The following RTTN variants were observed in gnomAD, a reference collection of about 807,000 sequenced individuals.
RTTN encodes rotatin.
RTTN carries 182 observed loss-of-function variants against 269.2 expected under a neutral mutation model. The observed-to-expected ratio is 0.68, with a 90% confidence interval of 0.60 to 0.76. The LOEUF (loss-of-function observed/expected upper bound fraction) is 0.76. Among genes scored for constraint, RTTN ranks in the 30% least tolerant of loss-of-function variants. The probability of loss-of-function intolerance (pLI) is 0.00; values close to 1 mark genes in which losing one functional copy is unlikely to be tolerated. For synonymous variants in RTTN, 1,006 were observed against 963.5 expected (o/e 1.04, Z -0.82); for missense variants, 2,545 against 2,608.6 (o/e 0.98, Z 0.53).
intron 34 of RTTN, among the ~76,000 whole-genome samples, chr18:70,067,494 T>C (rs979060811): frequency 6.6e-6 from 1 of 152,196 alleles, no homozygotes; most frequent in Admixed American, 6.5e-5. Context: ...TTGCCTACAA[T>C]TTGGCAATGA....
At chr18:70,028,043 C>T (rs765707781) in intron 43 of RTTN, among the ~76,000 whole-genome samples, 1 of 151,460 alleles carries the variant, frequency 6.6e-6, no homozygotes, top group Non-Finnish European at 1.5e-5. Context: ...ATTTTCGTGG[C>T]CAGCTTTTAT....
At chr18:70,148,451 G>C (rs573713169) in intron 17 of RTTN, among the ~76,000 whole-genome samples, 25 of 152,240 alleles carry the variant, frequency 1.6e-4, no homozygotes, top group Non-Finnish European at 2.9e-5. Flanking sequence ...AGCTATATGG[G>C]ATTAAAATAC....
chr18:70,036,813 G>A (rs777465877), intron 40 of RTTN, among the ~76,000 whole-genome samples: 5 of 152,168 alleles, frequency 3.3e-5, no homozygotes, highest in Admixed American at 1.3e-4. Flanking sequence ...GAAAAGCACC[G>A]TCACGAGAAC....
intron 9 of RTTN, among the ~76,000 whole-genome samples, chr18:70,188,525 G>A (rs542524141): frequency 1.3e-5 from 2 of 152,132 alleles, no homozygotes; most frequent in Admixed American, 6.5e-5. Flanking sequence ...CGAATTTAGG[G>A]ACCATCCATT....
At chr18:70,134,811 G>T (rs560085578) in intron 22 of RTTN, among the ~76,000 whole-genome samples, 1 of 152,170 alleles carries the variant, frequency 6.6e-6, no homozygotes, top group East Asian at 1.9e-4. Flanking sequence ...TCCTCCCACG[G>T]ATCCTGCTCA....
intron 46 of RTTN, among the ~76,000 whole-genome samples, chr18:70,011,353 A>G (rs1348493990): frequency 1.3e-5 from 2 of 152,232 alleles, no homozygotes; most frequent in Admixed American, 6.5e-5. Context: ...AAATACTGGC[A>G]AACTGAATCC....
chr18:70,103,197 G>A (rs563914620), intron 28 of RTTN, among the ~76,000 whole-genome samples: 11 of 152,226 alleles, frequency 7.2e-5, no homozygotes, highest in Admixed American at 3.3e-4. Flanking sequence ...CTGCCTGGCC[G>A]CTGTGCAATC....
rs200254635 is a variant in RTTN at position 70,149,029 on chromosome 18, G to T, written c.2181C>A (p.Ala727=). Residue 727 remains alanine, a synonymous_variant, in exon 17 of 49, where the codon GCC becomes GCA. Coordinates refer to ENST00000640769, the MANE Select transcript of RTTN (RefSeq NM_173630.4). ...CPVIPILQGY[A]DTEDPLGNCI... is the part of the protein sequence containing the mutation. ...AGTTACCCAGAGGATCTTCTGTGTC[G>T]GCATAGCCCTAATAGATTTGTTTTT... The T allele has an allele frequency of 5.6e-6, 9 of 1,612,254 alleles. No individual in the cohort carries two copies. Among genetic ancestry groups the T allele is most frequent in the South Asian group, 1.1e-5 (1 of 90,852 alleles).
In RTTN at chr18:70,088,030, T is replaced by G. The variant is rs757829033; in HGVS notation, c.4261A>C (p.Ile1421Leu). The change falls in exon 31 of 49, where the codon ATT (isoleucine) becomes CTT (leucine). Residue 1421 changes from isoleucine to leucine, a missense_variant. Physicochemically the swap from Ile to Leu is conservative, Grantham distance 5. Transcript: ENST00000640769. ...SGGLWGTVVN[I>L]LLDQSECSMV... ...CTACATTCTGACTGGTCCAGAAGAA[T>G]GTTCACCACAGTTCCCCAGAGCCCA... 2.7e-5 allele frequency: 43 copies of G among 1,613,742 alleles called. No homozygotes were observed. Among genetic ancestry groups the G allele is most frequent in the Non-Finnish European group, 3.6e-5 (42 of 1,179,870 alleles).
intron 14 of RTTN, among the ~76,000 whole-genome samples, chr18:70,154,865 T>C (rs779723690): frequency 5.3e-5 from 8 of 152,142 alleles, no homozygotes; most frequent in Admixed American, 6.5e-5. Flanking sequence ...CCTATTAAGA[T>C]TATAGACACA....
chr18:70,042,464 G>C (rs918057630), intron 40 of RTTN, among the ~76,000 whole-genome samples: 3 of 130,778 alleles, frequency 2.3e-5, no homozygotes, highest in Non-Finnish European at 4.7e-5. Flanking sequence ...CAAGCTCCCC[G>C]TCCCGGGTTC....
intron 30 of RTTN, 27 bp downstream of exon 30, chr18:70,092,083 A>T: frequency 6.8e-7 from 1 of 1,460,268 alleles, no homozygotes; most frequent in Non-Finnish European, 9.6e-7. Flanking sequence ...TCTAAACACA[A>T]TACACTTGAT....
rs778293454 is a variant in RTTN, at chr18:70,205,653, G to A, written c.6C>T (p.Val2=). 32 of 1,613,974 alleles carry A rather than the reference G, an allele frequency of 2.0e-5. No individual in the cohort carries two copies. Among genetic ancestry groups the A allele is most frequent in the Admixed American group, 1.2e-4 (7 of 59,998 alleles). Residue 2 remains valine, a synonymous_variant, in exon 1 of 49, where the codon GTC becomes GTT. Coordinates refer to ENST00000640769, the MANE Select transcript of RTTN (RefSeq NM_173630.4). ...CGAGTTTCCTGATGAGCCCTGCCAG[G>A]ACCATCTCGTCCCGTCAATCTGCAG... M[V]LAGLIRKLGH...
intron 35 of RTTN, among the ~76,000 whole-genome samples, chr18:70,062,681 T>A (rs188074873): frequency 6.7e-5 from 10 of 149,316 alleles, no homozygotes; most frequent in African/African-American, 2.5e-4. Context: ...GGTGCAATCA[T>A]GGCTCACTGA....
At chr18:70,092,868 T>C (rs1428609357) in intron 28 of RTTN, 64 bp from the exon 29 acceptor site, 12 of 1,403,898 alleles carry the variant, frequency 8.5e-6, no homozygotes, top group East Asian at 2.4e-5. Context: ...AAGATAAATA[T>C]ATAACTGTCT....
chr18:70,079,648 C>A (rs2058513349), intron 32 of RTTN, among the ~76,000 whole-genome samples: 1 of 152,030 alleles, frequency 6.6e-6, no homozygotes, highest in Non-Finnish European at 1.5e-5. Flanking sequence ...TCTGGGGCTG[C>A]CAGATCGTCT....
intron 28 of RTTN, among the ~76,000 whole-genome samples, chr18:70,109,167 T>C (rs749697427): frequency 6.6e-6 from 1 of 152,198 alleles, no homozygotes; most frequent in Non-Finnish European, 1.5e-5. Flanking sequence ...TGTTTGAATT[T>C]TGGAGTTGTT....
chr18:70,035,621 G>A (rs923231385), intron 40 of RTTN, among the ~76,000 whole-genome samples: 13 of 152,150 alleles, frequency 8.5e-5, no homozygotes, highest in African/African-American at 2.9e-4. Flanking sequence ...AGACAACCTA[G>A]GCAATACCAT....
intron 11 of RTTN, among the ~76,000 whole-genome samples, chr18:70,172,497 A>C (rs1189358965): frequency 6.6e-6 from 1 of 152,212 alleles, no homozygotes; most frequent in African/African-American, 2.4e-5. Context: ...ATTTTTGTTT[A>C]GATCTCATTT....
Sources: allele counts gnomAD v4.1 joint callset (sites outside exome capture counted in the v4.1 genomes callset), GRCh38; gene constraint gnomAD v4.1.1; transcripts MANE v1.5; gene names NCBI Gene and HGNC (gene_info 2026-07-23, HGNC 2026-07-21).